EHBP1: variants seen among roughly 807,000 people sequenced by gnomAD.
EHBP1 encodes the protein EH domain binding protein 1.
In EHBP1, 55 loss-of-function variants were observed where a neutral mutation model predicts 144.0. The observed-to-expected ratio is 0.38, with a 90% CI of 0.31 to 0.48. The LOEUF is 0.48. Among genes scored for constraint, EHBP1 ranks in the 20% least tolerant of loss-of-function variants. The pLI, the probability that EHBP1 is intolerant of heterozygous loss-of-function variation, is 0.98. For synonymous variants in EHBP1, 469 were observed against 472.7 expected, an observed-to-expected ratio of 0.99 and a Z score of 0.10; for missense variants, 1,200 against 1,364.2, an observed-to-expected ratio of 0.88 and a Z score of 1.90.
At chr2:62,792,813 G>A (rs1373367818) in intron 5 of EHBP1, among the ~76,000 whole-genome samples, 1 of 151,914 alleles carries the variant, frequency 6.6e-6, no homozygotes, top group African/African-American at 2.4e-5. Flanking sequence ...CTTACCTACA[G>A]TGTTATTAGT....
At position 63,043,303 on chromosome 2, in the gene EHBP1, T is replaced by C. The variant is rs542760946; in HGVS notation, c.3278-1763T>C. 9.6e-4 allele frequency among the ~76,000 whole-genome samples: 146 copies of C among 152,318 alleles called. 1 individual carries two copies. Among genetic ancestry groups the C allele is most frequent in the Non-Finnish European group, 1.8e-3 (122 of 68,012 alleles). ...GCTCTTCAATTTTGCTGTTTATTAT[T>C]TTTTAAATTATTATATTCAAAGAAA... is the stretch of plus-strand genomic sequence containing the variant. On this transcript the variant is annotated intron_variant, in intron 21 of 22. Transcript: ENST00000431489.
At chr2:62,838,850 T>C (rs1368027488) in intron 7 of EHBP1, among the ~76,000 whole-genome samples, 33 of 131,576 alleles carry the variant, frequency 2.5e-4, no homozygotes, top group African/African-American at 7.6e-4. Context: ...CAATAATCAA[T>C]AGTTTACCAA....
At chr2:63,020,770 C>G (rs1238580981) in intron 19 of EHBP1, among the ~76,000 whole-genome samples, 1 of 151,708 alleles carries the variant, frequency 6.6e-6, no homozygotes, top group Non-Finnish European at 1.5e-5. Context: ...CATTTGCCTC[C>G]CAGGTTCAAG....
chr2:63,026,053 T>C (rs2060958467), intron 19 of EHBP1, among the ~76,000 whole-genome samples: 1 of 152,174 alleles, frequency 6.6e-6, no homozygotes, highest in Non-Finnish European at 1.5e-5. Flanking sequence ...TTTGGTTGAT[T>C]GGTGCAGTAA....
chr2:62,882,105 T>A (rs1336607901), intron 10 of EHBP1, among the ~76,000 whole-genome samples: 1 of 152,248 alleles, frequency 6.6e-6, no homozygotes, highest in Non-Finnish European at 1.5e-5. Flanking sequence ...TTTAATTTCA[T>A]TCTGTGGCTT....
rs570842585 is a variant in EHBP1 at position 62,983,055 on chromosome 2, A to T, written c.2608+3720A>T. 3.3e-5 allele frequency among the ~76,000 whole-genome samples: 5 copies of T among 152,282 alleles called. No individual in the cohort carries two copies. The South Asian group carries it at 8.3e-4, about 25-fold the overall frequency. ...AGCTTTCACTTACCCTCTGTTTGAC[A>T]TACTTGTGGGGCTTATGAGAAAACC... On this transcript the variant is annotated intron_variant, in intron 15 of 22. Transcript: ENST00000431489.
rs560043099 is a variant in EHBP1 at position 62,749,120 on chromosome 2, G to A, written c.162+1668G>A. Among the ~76,000 whole-genome samples the A allele has an allele frequency of 5.1e-4, 78 of 152,250 alleles. 1 individual carries two copies. Among genetic ancestry groups the A allele is most frequent in the South Asian group, 2.3e-3 (11 of 4,826 alleles). On this transcript the variant is annotated intron_variant, in intron 3 of 22. Transcript: ENST00000431489. ...ATTTATATTAGGTATATCTCCTAATGCTATCCCTTCCCCATCCCCCCACCC... is the reference window on the plus strand; with the variant it reads ...ATTTATATTAGGTATATCTCCTAATACTATCCCTTCCCCATCCCCCCACCC...
chr2:62,696,508 CTTTTTTTTTTTTTTTT>C (rs869081763), intron 1 of EHBP1, among the ~76,000 whole-genome samples: 1 of 76,782 alleles, frequency 1.3e-5, no homozygotes, highest in African/African-American at 5.5e-5. Flanking sequence ...TTTTTTTCTT[CTTTTTTTTTTTTTTTT>C]TTTTTTTGAG....
In EHBP1 at chr2:62,885,606, A is replaced by G. The variant is rs1390056127; in HGVS notation, c.1185+11074A>G. Reference sequence around the variant, plus strand: ...AAGTTATTAGAAAAAATTCAGGAATATAAATGAAATTGTTCCCAGATACAT... The same window carrying G: ...AAGTTATTAGAAAAAATTCAGGAATGTAAATGAAATTGTTCCCAGATACAT... On this transcript the variant is annotated intron_variant, in intron 10 of 22. Transcript: ENST00000431489. Among the ~76,000 whole-genome samples, 4 of 152,238 alleles carry G rather than the reference A, an allele frequency of 2.6e-5. No homozygotes were observed. The South Asian group carries it at 6.2e-4, about 24-fold the overall frequency.
In EHBP1 at chr2:62,764,274, C is replaced by A; in HGVS notation, c.171C>A (p.Ser57Arg). ...CATTTTTATTCTGGTAGGCACATAGCTGGCAACCTGGAATAAAAAATCCCT... is the reference window on the plus strand; with the variant it reads ...CATTTTTATTCTGGTAGGCACATAGATGGCAACCTGGAATAAAAAATCCCT... Reference protein sequence around the residue: ...RSRRKSSKAHSWQPGIKNPYR... With the variant: ...RSRRKSSKAHRWQPGIKNPYR... Residue 57 changes from serine (S) to arginine (R), a missense_variant, in exon 4 of 23, where the codon AGC becomes AGA. This residue lies in a region of EHBP1 where 137 missense variants were observed against 190.1 expected (regional missense o/e 0.72). Transcript: ENST00000431489. 6.4e-7 allele frequency: 1 copy of A among 1,567,482 alleles called. No individual in the cohort carries two copies. Among genetic ancestry groups the A allele is most frequent in the South Asian group, 1.2e-5 (1 of 83,230 alleles).
rs146939986 is a variant in EHBP1, at chr2:62,869,044, G to A, written c.998+4073G>A. Among the ~76,000 whole-genome samples the A allele has an allele frequency of 3.6e-3, 541 of 152,260 alleles. 5 individuals carry two copies. Among genetic ancestry groups the A allele is most frequent in the African/African-American group, 0.012 (492 of 41,536 alleles). Reference sequence around the variant, plus strand: ...AATGAAAATATTGTATAGGAATGGAGAGATGCTCAGCTTCATTAGTCATCA... The same window carrying A: ...AATGAAAATATTGTATAGGAATGGAAAGATGCTCAGCTTCATTAGTCATCA... On this transcript the variant is annotated intron_variant, in intron 9 of 22. Coordinates refer to ENST00000431489, the MANE Select transcript of EHBP1 (RefSeq NM_001142616.3).
At chr2:62,848,636 C>T (rs1481696815) in intron 7 of EHBP1, among the ~76,000 whole-genome samples, 1 of 152,160 alleles carries the variant, frequency 6.6e-6, no homozygotes, top group African/African-American at 2.4e-5. Flanking sequence ...CATAGATGTA[C>T]CTCAAAACCA....
intron 3 of EHBP1, among the ~76,000 whole-genome samples, chr2:62,748,846 C>A (rs2039401196): frequency 6.6e-6 from 1 of 151,934 alleles, no homozygotes; most frequent in East Asian, 1.9e-4. Context: ...CTTTTCAAGT[C>A]TTTTATTTTT....
In EHBP1 at chr2:62,988,125, AT is replaced by A. The variant is rs1440291983; in HGVS notation, c.2609-2587del. Reference sequence around the variant, plus strand: ...TATTATCTCATCAATAATAATAATAATTTTGTAGTTTTATTACATCTTATGG... The same window carrying A: ...TATTATCTCATCAATAATAATAATAATTTGTAGTTTTATTACATCTTATGG... On this transcript the variant is annotated intron_variant, in intron 15 of 22. Coordinates refer to ENST00000431489, the MANE Select transcript of EHBP1 (RefSeq NM_001142616.3). 6.5e-6 allele frequency: 5 copies of A among 767,314 alleles called. No homozygotes were observed. The African/African-American group carries it at 9.2e-5, about 14-fold the overall frequency. The allele number at this position is 767,314 out of a possible 1,614,324, so 47.5% of individuals were successfully genotyped here.
At chr2:62,797,462 A>C (rs995594270) in intron 5 of EHBP1, among the ~76,000 whole-genome samples, 1 of 152,238 alleles carries the variant, frequency 6.6e-6, no homozygotes. Flanking sequence ...GTAAAAGTCT[A>C]TTTAAGGCTT....
chr2:63,007,705 T>C (rs909507776), intron 19 of EHBP1, among the ~76,000 whole-genome samples: 3 of 151,762 alleles, frequency 2.0e-5, no homozygotes, highest in African/African-American at 7.2e-5. Flanking sequence ...AGAAAGTGTA[T>C]ATTATGGTTC....
chr2:63,016,460 C>T (rs141454293), intron 19 of EHBP1, among the ~76,000 whole-genome samples: 11 of 151,914 alleles, frequency 7.2e-5, no homozygotes, highest in African/African-American at 2.4e-4. Flanking sequence ...AATGGAGTCT[C>T]GTTCTTGTCG....
chr2:62,816,396 C>T (rs1421387874), intron 5 of EHBP1, among the ~76,000 whole-genome samples: 1 of 152,090 alleles, frequency 6.6e-6, no homozygotes, highest in East Asian at 1.9e-4. Flanking sequence ...AGATTGTTAG[C>T]TTTTAATAGA....
At chr2:62,868,488 CA>C (rs919461955) in intron 9 of EHBP1, among the ~76,000 whole-genome samples, 3 of 151,972 alleles carry the variant, frequency 2.0e-5, no homozygotes, top group African/African-American at 4.8e-5. Context: ...AAGGATAAAA[CA>C]AAAAATGGTT....
Sources: allele counts gnomAD v4.1 joint callset (sites outside exome capture counted in the v4.1 genomes callset), GRCh38; gene constraint gnomAD v4.1.1; regional missense constraint gnomAD v4.1.1; transcripts MANE v1.5; gene names NCBI Gene and HGNC (gene_info 2026-07-23, HGNC 2026-07-21).